The following TMEM181 variants were observed in gnomAD, a reference collection of about 807,000 sequenced individuals.
TMEM181 encodes the protein transmembrane protein 181.
Under a neutral mutation model 71.9 loss-of-function variants are expected in TMEM181, and 39 were observed. The observed-to-expected ratio is 0.54, with a 90% CI of 0.42 to 0.71. The LOEUF (loss-of-function observed/expected upper bound fraction) is 0.71, where lower values mean the gene tolerates loss of function less well. Among genes scored for constraint, TMEM181 ranks in the 30% least tolerant of loss-of-function variants. TMEM181 has a pLI of 0.00. For missense variants in TMEM181, 595 were observed against 583.0 expected (o/e 1.02, Z -0.21); for synonymous variants, 245 against 228.8 (o/e 1.07, Z -0.64).
chr6:158,596,636 T>G (rs1784403253), intron 6 of TMEM181, among the ~76,000 whole-genome samples: 1 of 152,168 alleles, frequency 6.6e-6, no homozygotes, highest in Admixed American at 6.5e-5. Context: ...TTAGTCTGTT[T>G]TCATGCTGCT....
chr6:158,553,786 T>C (rs1781790404), intron 1 of TMEM181, among the ~76,000 whole-genome samples: 1 of 152,236 alleles, frequency 6.6e-6, no homozygotes, highest in South Asian at 2.1e-4. Context: ...GCATTCGGGT[T>C]AATTAATATA....
At chr6:158,618,208 C>A (rs942926414) in intron 10 of TMEM181, among the ~76,000 whole-genome samples, 4 of 152,142 alleles carry the variant, frequency 2.6e-5, no homozygotes, top group Non-Finnish European at 4.4e-5. Flanking sequence ...CTTCTTGTTG[C>A]ATTGATCCCT....
chr6:158,567,146 T>C (rs1038950648), intron 1 of TMEM181, among the ~76,000 whole-genome samples: 3 of 152,250 alleles, frequency 2.0e-5, no homozygotes, highest in African/African-American at 7.2e-5. Flanking sequence ...AGATGCCTCT[T>C]GTGAAAAGCT....
chr6:158,587,940 A>G (rs1231093486), intron 5 of TMEM181, among the ~76,000 whole-genome samples: 1 of 152,236 alleles, frequency 6.6e-6, no homozygotes, highest in Non-Finnish European at 1.5e-5. Flanking sequence ...TACAGATTTT[A>G]AGCCATCCCT....
chr6:158,606,088 G>A (rs539479637), intron 7 of TMEM181, among the ~76,000 whole-genome samples: 7 of 152,328 alleles, frequency 4.6e-5, no homozygotes, highest in Admixed American at 1.3e-4. Flanking sequence ...GGACACAGGC[G>A]CGTGCACATG....
intron 2 of TMEM181, among the ~76,000 whole-genome samples, chr6:158,577,629 A>AC (rs1400126454): frequency 1.3e-5 from 2 of 152,200 alleles, no homozygotes. Flanking sequence ...ACTGAAAGAG[A>AC]CCCACACCAA....
At chr6:158,576,158 A>C (rs1177223039) in intron 2 of TMEM181, among the ~76,000 whole-genome samples, 1 of 152,182 alleles carries the variant, frequency 6.6e-6, no homozygotes, top group Non-Finnish European at 1.5e-5. Flanking sequence ...TGCCACTTCG[A>C]AGGGAATGCT....
At chr6:158,624,050 C>A (rs1786125922) in intron 11 of TMEM181, among the ~76,000 whole-genome samples, 1 of 152,230 alleles carries the variant, frequency 6.6e-6, no homozygotes, top group African/African-American at 2.4e-5. Flanking sequence ...GCGTGAGCCA[C>A]TGTACCCGGC....
intron 7 of TMEM181, among the ~76,000 whole-genome samples, chr6:158,606,387 T>G (rs573576807): frequency 8.5e-5 from 13 of 152,356 alleles, no homozygotes; most frequent in African/African-American, 3.1e-4. Context: ...TAGAAAGCTG[T>G]TATTTGTGTC....
intron 5 of TMEM181, among the ~76,000 whole-genome samples, chr6:158,585,698 C>G (rs141368657): frequency 3.3e-3 from 496 of 152,222 alleles, no homozygotes; most frequent in African/African-American, 0.011. Flanking sequence ...ATACTGCTAG[C>G]CACCCTGAGC....
At position 158,595,617 on chromosome 6, in the gene TMEM181, C is replaced by A. The variant is rs973175247; in HGVS notation, c.492+5835C>A. ...TAGCGAGGAGAATGAACCTTCATAGCTTCATGTAATGTCATGGAGGACTTT... is the reference window on the plus strand; with the variant it reads ...TAGCGAGGAGAATGAACCTTCATAGATTCATGTAATGTCATGGAGGACTTT... On this transcript the variant is annotated intron_variant, in intron 6 of 16. Transcript: ENST00000684151. Among the ~76,000 whole-genome samples the A allele has an allele frequency of 5.3e-5, 8 of 152,306 alleles. 1 individual carries two copies. In the East Asian group the frequency reaches 1.5e-3, roughly 29 times the overall value.
intron 1 of TMEM181, among the ~76,000 whole-genome samples, chr6:158,560,438 C>T (rs1164671146): frequency 1.3e-5 from 2 of 152,148 alleles, no homozygotes; most frequent in Non-Finnish European, 2.9e-5. Flanking sequence ...GGCCGGGGCT[C>T]CCTCCTGCCT....
At chr6:158,626,928 CCTCATT>C (rs371526187) in intron 13 of TMEM181, among the ~76,000 whole-genome samples, 16,956 of 85,858 alleles carry the variant, frequency 0.2, 1,192 homozygotes, top group African/African-American at 0.3. Flanking sequence ...TCATTCTCAC[CCTCATT>C]CTCACCCTCA....
intron 10 of TMEM181, among the ~76,000 whole-genome samples, chr6:158,618,560 G>C (rs904996189): frequency 1.3e-5 from 2 of 152,182 alleles, no homozygotes; most frequent in South Asian, 2.1e-4. Context: ...TATTTTGCTT[G>C]TTAGTTGATG....
intron 10 of TMEM181, among the ~76,000 whole-genome samples, chr6:158,619,854 C>T (rs1271341185): frequency 3.2e-5 from 4 of 126,282 alleles, no homozygotes; most frequent in East Asian, 2.3e-4. Flanking sequence ...GGCGACACAG[C>T]GAGACTCCGT....
At chr6:158,537,033 G>A (rs1319289143) in intron 1 of TMEM181, among the ~76,000 whole-genome samples, 1 of 151,874 alleles carries the variant, frequency 6.6e-6, no homozygotes, top group African/African-American at 2.4e-5. Flanking sequence ...ATCTGGGAGG[G>A]ACCAGGAAGG....
At chr6:158,544,510 G>A (rs1042084507) in intron 1 of TMEM181, among the ~76,000 whole-genome samples, 5 of 152,264 alleles carry the variant, frequency 3.3e-5, no homozygotes, top group African/African-American at 9.6e-5. Flanking sequence ...GTCACGTAGC[G>A]GGCAGAAGGC....
chr6:158,598,594 C>A (rs1384796298), intron 6 of TMEM181, among the ~76,000 whole-genome samples: 3 of 151,410 alleles, frequency 2.0e-5, no homozygotes, highest in Admixed American at 2.0e-4. Context: ...TCATTTCCAA[C>A]CCCCCAGTAT....
intron 4 of TMEM181, among the ~76,000 whole-genome samples, chr6:158,584,335 T>G (rs1783646946): frequency 6.6e-6 from 1 of 152,172 alleles, no homozygotes; most frequent in African/African-American, 2.4e-5. Flanking sequence ...GGGAGAGAAT[T>G]AAGACCTGAT....
Sources: gnomAD v4.1 joint callset for allele counts (sites outside exome capture counted in the v4.1 genomes callset) on GRCh38, gnomAD v4.1.1 for gene constraint, MANE v1.5 for transcripts, NCBI Gene and HGNC (gene_info 2026-07-23, HGNC 2026-07-21) for gene names.